SUMF1: variants seen among roughly 807,000 people sequenced by gnomAD.
The protein encoded by SUMF1 is formylglycine-generating enzyme.
In SUMF1, 48 loss-of-function variants were observed where a neutral mutation model predicts 47.6. That is an observed-to-expected ratio of 1.01 (90% CI 0.80 to 1.28). SUMF1 has a LOEUF of 1.28. Ranked by LOEUF, SUMF1 falls within the 50% of genes most tolerant of loss-of-function variation. The probability of loss-of-function intolerance (pLI) is 0.00; values close to 1 mark genes in which losing one functional copy is unlikely to be tolerated. For missense variants in SUMF1, 571 were observed against 485.4 expected, an observed-to-expected ratio of 1.18 and a Z score of -1.66; for synonymous variants, 230 against 192.1, an observed-to-expected ratio of 1.20 and a Z score of -1.63.
At chr3:4,453,685 C>G (rs1252555045) in intron 1 of SUMF1, among the ~76,000 whole-genome samples, 2 of 152,176 alleles carry the variant, frequency 1.3e-5, no homozygotes, top group South Asian at 2.1e-4. Context: ...AGGCGCCCAC[C>G]ACCATGCCCG....
intron 8 of SUMF1, among the ~76,000 whole-genome samples, chr3:4,162,562 T>A (rs915154708): frequency 1.3e-5 from 2 of 152,166 alleles, no homozygotes; most frequent in Admixed American, 1.3e-4. Context: ...GAGTTCAGCT[T>A]GGTGTTGCTT....
At chr3:4,157,063 T>C (rs920087002) in intron 8 of SUMF1, among the ~76,000 whole-genome samples, 1 of 151,602 alleles carries the variant, frequency 6.6e-6, no homozygotes, top group Non-Finnish European at 1.5e-5. Context: ...GAGACTAACT[T>C]CTTACCCTTC....
At chr3:4,322,562 A>C (rs1252326450) in intron 8 of SUMF1, among the ~76,000 whole-genome samples, 1 of 152,062 alleles carries the variant, frequency 6.6e-6, no homozygotes, top group African/African-American at 2.4e-5. Context: ...TAGGGGTCTG[A>C]AGCAGGAGGA....
intron 8 of SUMF1, among the ~76,000 whole-genome samples, chr3:4,181,433 A>G (rs908307513): frequency 3.9e-5 from 6 of 152,150 alleles, no homozygotes; most frequent in African/African-American, 7.2e-5. Context: ...ATAGAAAAAT[A>G]TATCTTCTTG....
intron 8 of SUMF1, among the ~76,000 whole-genome samples, chr3:4,163,416 G>T (rs1183555145): frequency 1.6e-5 from 1 of 64,350 alleles, no homozygotes; most frequent in Admixed American, 1.5e-4. Context: ...GGGAGGGAGG[G>T]AGGGAGGGAG....
intron 8 of SUMF1, among the ~76,000 whole-genome samples, chr3:4,086,068 C>T (rs1016993035): frequency 6.6e-6 from 1 of 152,014 alleles, no homozygotes; most frequent in African/African-American, 2.4e-5. Flanking sequence ...AGATCCACAA[C>T]ACAATAAGGC....
At chr3:4,302,881 G>A (rs986739223) in intron 8 of SUMF1, among the ~76,000 whole-genome samples, 1 of 152,154 alleles carries the variant, frequency 6.6e-6, no homozygotes, top group Non-Finnish European at 1.5e-5. Flanking sequence ...CTCCATCAGG[G>A]AGTGAGCATG....
chr3:4,465,864 G>A (rs1254863777), intron 1 of SUMF1, among the ~76,000 whole-genome samples: 2 of 152,158 alleles, frequency 1.3e-5, no homozygotes, highest in Non-Finnish European at 2.9e-5. Flanking sequence ...AATATTGAAG[G>A]GGAGAGAAAG....
chr3:4,288,874 G>A (rs1183496729), intron 8 of SUMF1, among the ~76,000 whole-genome samples: 1 of 151,842 alleles, frequency 6.6e-6, no homozygotes, highest in Non-Finnish European at 1.5e-5. Flanking sequence ...TGCCCCCAAA[G>A]GAAGATGGTT....
intron 8 of SUMF1, among the ~76,000 whole-genome samples, chr3:4,124,537 G>A (rs1693613065): frequency 6.7e-6 from 1 of 150,356 alleles, no homozygotes; most frequent in Admixed American, 6.7e-5. Context: ...TATTTTCTCA[G>A]AAATACATTA....
At chr3:4,382,887 A>G (rs1051341377) in intron 7 of SUMF1, among the ~76,000 whole-genome samples, 3 of 152,114 alleles carry the variant, frequency 2.0e-5, no homozygotes, top group African/African-American at 7.2e-5. Flanking sequence ...ACATGGACAC[A>G]GGGAGGGGAA....
intron 8 of SUMF1, among the ~76,000 whole-genome samples, chr3:4,311,147 C>T (rs909095917): frequency 1.3e-5 from 2 of 152,182 alleles, no homozygotes; most frequent in African/African-American, 4.8e-5. Flanking sequence ...CCCACAGGTC[C>T]TCCCACTGGT....
intron 8 of SUMF1, among the ~76,000 whole-genome samples, chr3:4,144,627 A>G (rs1457459996): frequency 3.3e-5 from 5 of 152,134 alleles, no homozygotes; most frequent in African/African-American, 1.2e-4. Flanking sequence ...ATGCCTGTTT[A>G]TTCATAATCC....
At chr3:4,338,881 A>T (rs1380077452) in intron 8 of SUMF1, among the ~76,000 whole-genome samples, 1 of 152,100 alleles carries the variant, frequency 6.6e-6, no homozygotes, top group African/African-American at 2.4e-5. Context: ...TGATTGAGTT[A>T]TGTCTAGCTA....
chr3:4,252,378 A>C (rs10454228), intron 8 of SUMF1, among the ~76,000 whole-genome samples: 1,632 of 150,340 alleles, frequency 0.011, 13 homozygotes, highest in African/African-American at 0.016. Context: ...ACACACACAC[A>C]CCCCACTGGC....
intron 8 of SUMF1, among the ~76,000 whole-genome samples, chr3:4,270,726 T>C (rs1697286228): frequency 6.6e-6 from 1 of 152,128 alleles, no homozygotes; most frequent in South Asian, 2.1e-4. Context: ...ATTAATCAGG[T>C]CTGGAATGGG....
chr3:4,193,647 A>T (rs2629244), intron 8 of SUMF1, among the ~76,000 whole-genome samples: 1 of 151,894 alleles, frequency 6.6e-6, no homozygotes, highest in African/African-American at 2.4e-5. Context: ...ATAGTGTCAT[A>T]AAAGTAATGC....
chr3:4,035,785 C>G (rs559280686), intron 9 of SUMF1, among the ~76,000 whole-genome samples: 2 of 152,232 alleles, frequency 1.3e-5, no homozygotes, highest in South Asian at 4.1e-4. Context: ...CGAATAATGT[C>G]TATACCTTTC....
intron 8 of SUMF1, among the ~76,000 whole-genome samples, chr3:4,324,819 G>T (rs1698908848): frequency 6.6e-6 from 1 of 151,954 alleles, no homozygotes; most frequent in South Asian, 2.1e-4. Context: ...TGAGTTTGGG[G>T]GCCCTGCAAT....
Sources: gnomAD v4.1 joint callset for allele counts (sites outside exome capture counted in the v4.1 genomes callset) on GRCh38, gnomAD v4.1.1 for gene constraint, MANE v1.5 for transcripts, NCBI Gene and HGNC (gene_info 2026-07-23, HGNC 2026-07-21) for gene names.